The following MAPK7 variants were observed in gnomAD, a reference collection of about 807,000 sequenced individuals.
The protein encoded by MAPK7 is BMK-1.
Under a neutral mutation model 56.9 loss-of-function variants are expected in MAPK7, and 30 were observed. That is an observed-to-expected ratio of 0.53 (90% CI 0.39 to 0.72). MAPK7 has a LOEUF of 0.72. MAPK7 is among the 30% of genes least tolerant of loss of function. The pLI is 0.00. For missense variants in MAPK7, 952 were observed against 1,110.8 expected (o/e 0.86, Z 2.03); for synonymous variants, 516 against 449.3 (o/e 1.15, Z -1.88).
At position 19,383,394 on chromosome 17, in the gene MAPK7, A is replaced by C; in HGVS notation, c.*163A>C. ...TCAGCCTTAAGCAGCCACCTGAGCCACCACCGAGCCATGGCAGGATCGGGA... is the reference window on the plus strand; with the variant it reads ...TCAGCCTTAAGCAGCCACCTGAGCCCCCACCGAGCCATGGCAGGATCGGGA... On this transcript the variant is annotated 3_prime_UTR_variant, in exon 7 of 7. Coordinates refer to ENST00000395604, the MANE Select transcript of MAPK7 (RefSeq NM_002749.4). 1 of 641,100 alleles carries C rather than the reference A, an allele frequency of 1.6e-6. No homozygotes were observed. Among genetic ancestry groups the C allele is most frequent in the Non-Finnish European group, 2.6e-6 (1 of 390,676 alleles). 39.7% of individuals were successfully genotyped at this position (641,100 alleles called of 1,614,324 possible). A position where few individuals can be genotyped will look rare whatever the true frequency, so the allele number is the denominator to read the frequency against.
rs754271632 is a variant in MAPK7 at position 19,383,105 on chromosome 17, C to T, written c.2325C>T (p.Ala775=). 1.2e-6 allele frequency: 2 copies of T among 1,614,176 alleles called. No homozygotes were observed. Among genetic ancestry groups the T allele is most frequent in the South Asian group, 1.1e-5 (1 of 91,088 alleles). The change falls in exon 7 of 7, where the codon GCC becomes GCT. Residue 775 remains alanine (A), a synonymous_variant. Transcript: ENST00000395604. ...DGQADSASLS[A]SLLADWLEGH... ...AGGCAGATTCAGCCTCTCTCTCAGC[C>T]TCCCTGCTTGCTGACTGGCTCGAAG...
rs1912793546 is a variant in MAPK7 at position 19,382,426 on chromosome 17, C to T, written c.2123C>T (p.Pro708Leu). 3.7e-6 allele frequency: 6 copies of T among 1,609,464 alleles called. No individual in the cohort carries two copies. The highest frequency in any genetic ancestry group is 1.3e-5 in the African/African-American group (1 of 74,920). Residue 708 changes from proline to leucine, a missense_variant, in exon 5 of 7, where the codon CCT becomes CTT. Physicochemically the swap from Pro to Leu is moderately conservative, Grantham distance 98. Coordinates refer to ENST00000395604, the MANE Select transcript of MAPK7 (RefSeq NM_002749.4). ...GAPQSSMSESPDVNLVTQQLS... is the reference protein window; with the variant it reads ...GAPQSSMSESLDVNLVTQQLS... ...CCTCAGTCTTCCATGTCAGAGTCACCTGATGTCAACCTTGTGACCCAGCAG... is the reference window on the plus strand; with the variant it reads ...CCTCAGTCTTCCATGTCAGAGTCACTTGATGTCAACCTTGTGACCCAGCAG...
Position 19,378,982 on chromosome 17 carries a change from A to G in MAPK7, c.82A>G (p.Thr28Ala), listed in dbSNP as rs944771923. ...GCCCGTGAAGGCCGAACCCGCCCACACCGCTGCCTCTGTAGCGGCCAAGAA... is the reference window on the plus strand; with the variant it reads ...GCCCGTGAAGGCCGAACCCGCCCACGCCGCTGCCTCTGTAGCGGCCAAGAA... ...PGPVKAEPAH[T>A]AASVAAKNLA... Residue 28 changes from threonine to alanine, a missense_variant, in exon 2 of 7, where the codon ACC becomes GCC. Physicochemically the swap from Thr to Ala is moderately conservative, Grantham distance 58. Transcript: ENST00000395604. This position sits in a 1 kb window ranked among gnomAD's most constrained non-coding sequence, Gnocchi z 5.4. 1 of 1,610,048 alleles carries G rather than the reference A, an allele frequency of 6.2e-7. No individual in the cohort carries two copies. Among genetic ancestry groups the G allele is most frequent in the African/African-American group, 1.3e-5 (1 of 74,952 alleles).
At chr17:19,379,222 G>A in intron 2 of MAPK7, 90 bp downstream of exon 2, 1 of 1,200,874 alleles carries the variant, frequency 8.3e-7, no homozygotes, top group Non-Finnish European at 1.2e-6. Flanking sequence ...AAGGAAAGCG[G>A]GGTGCGAGTT....
rs899914236 is a variant in MAPK7, at chr17:19,379,257, C to T, written c.232+125C>T. 6 of 827,480 alleles carry T rather than the reference C, an allele frequency of 7.3e-6. No individual in the cohort carries two copies. The African/African-American group carries it at 8.6e-5, about 12-fold the overall frequency. 51.3% of individuals were successfully genotyped at this position (827,480 alleles called of 1,614,324 possible). On this transcript the variant is annotated intron_variant, in intron 2 of 6. Transcript: ENST00000395604. Reference sequence around the variant, plus strand: ...TCTGGCTCCAGTCAACACACACTGACCAGGGCCTTCTGCCTGCCAGGCTCC... The same window carrying T: ...TCTGGCTCCAGTCAACACACACTGATCAGGGCCTTCTGCCTGCCAGGCTCC...
At chr17:19,382,782 T>A (rs1406355714) in intron 5 of MAPK7, 31 bp from the exon 6 acceptor site, 2 of 1,610,696 alleles carry the variant, frequency 1.2e-6, no homozygotes, top group Non-Finnish European at 1.7e-6. Flanking sequence ...GACCTCAGTC[T>A]GTCTGCATTG....
chr17:19,382,875 T>C lies in MAPK7; in HGVS notation c.2226T>C (p.Gly742=). 6.2e-7 allele frequency: 1 copy of C among 1,614,184 alleles called. No homozygotes were observed. The highest frequency in any genetic ancestry group is 8.5e-7 in the Non-Finnish European group (1 of 1,180,026). Residue 742 remains glycine, a synonymous_variant, in exon 6 of 7, where the codon GGT becomes GGC. Transcript: ENST00000395604. ...GTPKGSGAGY[G]VGFDLEEFLN... is the part of the protein sequence containing the mutation. ...CAAAGGGCAGTGGGGCTGGCTACGG[T>C]GTTGGCTTTGACCTGGAGGAATTCT...
upstream of MAPK7, chr17:19,378,010 C>A (rs560190722): frequency 8.2e-5 from 81 of 985,150 alleles, no homozygotes; most frequent in Non-Finnish European, 9.4e-5. The surrounding 1 kb of genome is among the most constrained non-coding windows in gnomAD (Gnocchi z 5.4). Context: ...CACCCTCTAC[C>A]GGGGATGACA....
chr17:19,377,785 G>C (rs1017955167), upstream of MAPK7: 71 of 973,302 alleles, frequency 7.3e-5, no homozygotes, highest in Middle Eastern at 1.1e-3. Context: ...AGGTTGGGCG[G>C]CCGCCTCGGT....
rs778393353 is a variant in MAPK7 at position 19,378,969 on chromosome 17, C to G, written c.69C>G (p.Ala23=). Residue 23 remains alanine (A), a synonymous_variant, in exon 2 of 7, where the codon GCC becomes GCG. Coordinates refer to ENST00000395604, the MANE Select transcript of MAPK7 (RefSeq NM_002749.4). The surrounding 1 kb of genome is among the most constrained non-coding windows in gnomAD (Gnocchi z 5.4). ...GSAEPPGPVK[A]EPAHTAASVA... is the part of the protein sequence containing the mutation. ...CGGAGCCCCCCGGGCCCGTGAAGGC[C>G]GAACCCGCCCACACCGCTGCCTCTG... 3.1e-6 allele frequency: 5 copies of G among 1,605,936 alleles called. No homozygotes were observed. Among genetic ancestry groups the G allele is most frequent in the Non-Finnish European group, 4.3e-6 (5 of 1,176,466 alleles).
Position 19,380,835 on chromosome 17 carries a change from C to T in MAPK7, c.626C>T (p.Thr209Ile). The change falls in exon 4 of 7, where the codon ACC becomes ATC. Residue 209 changes from threonine to isoleucine, a missense_variant. Coordinates refer to ENST00000395604, the MANE Select transcript of MAPK7 (RefSeq NM_002749.4). Reference protein sequence around the residue: ...GDFGMARGLCTSPAEHQYFMT... With the variant: ...GDFGMARGLCISPAEHQYFMT... ...TTTGGTATGGCTCGTGGCCTGTGCACCTCGCCCGCTGAACATCAGTACTTC... is the reference window on the plus strand; with the variant it reads ...TTTGGTATGGCTCGTGGCCTGTGCATCTCGCCCGCTGAACATCAGTACTTC... 1.9e-6 allele frequency: 3 copies of T among 1,613,634 alleles called. No homozygotes were observed. The highest frequency in any genetic ancestry group is 2.2e-5 in the East Asian group (1 of 44,854).
Position 19,382,398 on chromosome 17 carries a change from G to C in MAPK7, c.2095G>C (p.Ala699Pro), listed in dbSNP as rs1912790405. Residue 699 changes from alanine to proline, a missense_variant, in exon 5 of 7, where the codon GCC becomes CCC. Coordinates refer to ENST00000395604, the MANE Select transcript of MAPK7 (RefSeq NM_002749.4). ...CCTGCCGCCCCCAGACGCCGGGGGA[G>C]CCCCTCAGTCTTCCATGTCAGAGTC... ...PGLPPPDAGG[A>P]PQSSMSESPD... 6.2e-7 allele frequency: 1 copy of C among 1,612,998 alleles called. No homozygotes were observed. Among genetic ancestry groups the C allele is most frequent in the Admixed American group, 1.7e-5 (1 of 59,946 alleles).
At position 19,381,853 on chromosome 17, in the gene MAPK7, G is replaced by A. The variant is rs1567921921; in HGVS notation, c.1550G>A (p.Arg517Gln). The stretch of plus-strand genomic sequence containing the variant: ...ACAGCCCAGGAGCGCCAGCGGGAGC[G>A]GGAGGAGAAGCGGCGGAGGCGGCAA... ...PVTAQERQRE[R>Q]EEKRRRRQER... Residue 517 changes from arginine (R) to glutamine (Q), a missense_variant, in exon 5 of 7, where the codon CGG becomes CAG. This residue lies in a region of MAPK7 where 429 missense variants were observed against 533.0 expected (regional missense o/e 0.80). Coordinates refer to ENST00000395604, the MANE Select transcript of MAPK7 (RefSeq NM_002749.4). This position sits in a 1 kb window ranked among gnomAD's most constrained non-coding sequence, Gnocchi z 4.6. 1.9e-6 allele frequency: 3 copies of A among 1,588,498 alleles called. No homozygotes were observed. Among genetic ancestry groups the A allele is most frequent in the Non-Finnish European group, 2.6e-6 (3 of 1,166,930 alleles).
In MAPK7 at chr17:19,381,237, G is replaced by A. The variant is rs148933637; in HGVS notation, c.1028G>A (p.Arg343His). The A allele has an allele frequency of 2.7e-4, 442 of 1,614,106 alleles. No individual in the cohort carries two copies. In the African/African-American group the frequency reaches 5.0e-3, roughly 18 times the overall value. The change falls in exon 4 of 7, where the codon CGC (arginine) becomes CAC (histidine). Residue 343 changes from arginine to histidine, a missense_variant. Around this residue, in one of 5 missense-constraint regions of MAPK7, gnomAD observed 429 missense variants for 533.0 expected, o/e 0.80. Coordinates refer to ENST00000395604, the MANE Select transcript of MAPK7 (RefSeq NM_002749.4). This position sits in a 1 kb window ranked among gnomAD's most constrained non-coding sequence, Gnocchi z 4.6. ...SARISAAAAL[R>H]HPFLAKYHDP... The stretch of plus-strand genomic sequence containing the variant: ...CGCATCTCAGCAGCTGCTGCCCTTC[G>A]CCACCCTTTCCTGGCCAAGTACCAT...
In MAPK7 at chr17:19,382,831, C is replaced by A. The variant is rs777199570; in HGVS notation, c.2182C>A (p.Pro728Thr). Residue 728 changes from proline to threonine, a missense_variant, in exon 6 of 7, where the codon CCT becomes ACT. This residue lies in a region of MAPK7 where 234 missense variants were observed against 210.4 expected (regional missense o/e 1.11). Coordinates refer to ENST00000395604, the MANE Select transcript of MAPK7 (RefSeq NM_002749.4). ...CCTGCAGGTGGAGGACCCCCTGCCC[C>A]CTGTGTTCTCAGGCACACCAAAGGG... ...SKSQVEDPLPPVFSGTPKGSG... is the reference protein window; with the variant it reads ...SKSQVEDPLPTVFSGTPKGSG... 9.9e-6 allele frequency: 16 copies of A among 1,614,076 alleles called. No individual in the cohort carries two copies. The highest frequency in any genetic ancestry group is 3.3e-5 in the Admixed American group (2 of 60,010).
chr17:19,378,450 G>C, upstream of MAPK7: 1 of 1,022,652 alleles, frequency 9.8e-7, no homozygotes, highest in South Asian at 3.6e-5. The surrounding 1 kb of genome is among the most constrained non-coding windows in gnomAD (Gnocchi z 5.4). Context: ...GATTGGCCAG[G>C]AGCTGGAGGG....
chr17:19,380,510 G>GT (rs750890913), intron 3 of MAPK7, 98 bp from the exon 4 acceptor site: 1 of 1,498,142 alleles, frequency 6.7e-7, no homozygotes, highest in African/African-American at 1.4e-5. Context: ...GGGTAAGGCT[G>GT]TTACCTGTCT....
At chr17:19,382,514 G>A (rs1306485783) in intron 5 of MAPK7, 48 bp downstream of exon 5, 8 of 1,526,520 alleles carry the variant, frequency 5.2e-6, no homozygotes, top group Non-Finnish European at 7.0e-6. Flanking sequence ...TGGGCCAAAG[G>A]AAAATGGGTT....
At chr17:19,379,513 G>C (rs1912449719) in intron 2 of MAPK7, 2 of 561,592 alleles carry the variant, frequency 3.6e-6, no homozygotes, top group Non-Finnish European at 6.3e-6. Context: ...TACACCACTG[G>C]GCATCCGTGC....
Sources: gnomAD v4.1 joint callset for allele counts on GRCh38, gnomAD v4.1.1 for gene constraint, gnomAD v4.1.1 regional missense constraint, Gnocchi (gnomAD v3.1) non-coding constraint, MANE v1.5 for transcripts, NCBI Gene and HGNC (gene_info 2026-07-23, HGNC 2026-07-21) for gene names.